The following SGMS1 variants were observed in gnomAD, a reference collection of about 807,000 sequenced individuals.
SGMS1 encodes sphingomyelin synthase 1.
SGMS1 carries 13 observed loss-of-function variants against 46.2 expected under a neutral mutation model. The ratio of observed to expected loss-of-function variants is 0.28; its 90% CI spans 0.18 to 0.45. The LOEUF (loss-of-function observed/expected upper bound fraction) is 0.45, where lower values mean the gene tolerates loss of function less well. Among genes scored for constraint, SGMS1 ranks in the 20% least tolerant of loss-of-function variants. SGMS1 has a pLI of 1.00. For missense variants in SGMS1, 324 were observed against 519.9 expected (o/e 0.62, Z 3.66); for synonymous variants, 203 against 187.8 (o/e 1.08, Z -0.66).
intron 6 of SGMS1, among the ~76,000 whole-genome samples, chr10:50,369,084 C>A (rs1219513878): frequency 6.6e-6 from 1 of 152,086 alleles, no homozygotes; most frequent in Non-Finnish European, 1.5e-5. Flanking sequence ...ACAAAATACT[C>A]CATAAACAAG....
intron 2 of SGMS1, among the ~76,000 whole-genome samples, chr10:50,568,725 A>G (rs1838311854): frequency 6.6e-6 from 1 of 152,234 alleles, no homozygotes; most frequent in African/African-American, 2.4e-5. Context: ...AATTATTTTT[A>G]CAACACTGTA....
At chr10:50,611,553 C>T (rs934511868) in intron 1 of SGMS1, among the ~76,000 whole-genome samples, 1 of 152,224 alleles carries the variant, frequency 6.6e-6, no homozygotes, top group African/African-American at 2.4e-5. Context: ...TACTACCTCA[C>T]CAGTGTGCTT....
intron 6 of SGMS1, among the ~76,000 whole-genome samples, chr10:50,364,915 G>T (rs1439427489): frequency 6.6e-6 from 1 of 151,982 alleles, no homozygotes; most frequent in African/African-American, 2.4e-5. Flanking sequence ...TAAATAACCT[G>T]AGGACTTTGG....
chr10:50,532,225 CTGTGTGTGTGTGTGTGTGTGTGTGTGTG>C, intron 2 of SGMS1, among the ~76,000 whole-genome samples: 1 of 130,590 alleles, frequency 7.7e-6, no homozygotes, highest in East Asian at 2.4e-4. Context: ...CTGAATGAGA[CTGTGTGTGTGTGTGTGTGTGTGTGTGTG>C]TGTGTGTGTG....
At chr10:50,519,251 A>G (rs115693592) in intron 3 of SGMS1, among the ~76,000 whole-genome samples, 107 of 152,350 alleles carry the variant, frequency 7.0e-4, no homozygotes, top group African/African-American at 2.5e-3. Context: ...CATAGAATCA[A>G]CGATAACACT....
chr10:50,505,358 G>T (rs17440448), intron 3 of SGMS1, among the ~76,000 whole-genome samples: 26,581 of 152,074 alleles, frequency 0.17, 2,624 homozygotes, highest in Admixed American at 0.23. Context: ...AATTTATAAC[G>T]AACAAAAGTC....
intron 6 of SGMS1, among the ~76,000 whole-genome samples, chr10:50,399,232 G>A (rs188948259): frequency 3.4e-4 from 52 of 152,182 alleles, no homozygotes; most frequent in African/African-American, 1.2e-3. Flanking sequence ...AGGTAACTAA[G>A]GAAGGATGTG....
chr10:50,624,227 T>C, upstream of SGMS1: 1 of 595,256 alleles, frequency 1.7e-6, no homozygotes, highest in South Asian at 7.3e-5. Context: ...GGGAGCCAGA[T>C]TTTACAATCT....
chr10:50,619,154 G>A (rs1838824820), intron 1 of SGMS1, among the ~76,000 whole-genome samples: 1 of 151,992 alleles, frequency 6.6e-6, no homozygotes, highest in Non-Finnish European at 1.5e-5. Flanking sequence ...AAAAAAGAAA[G>A]AAAATGCATA....
At chr10:50,585,741 AG>A (rs1419304432) in intron 2 of SGMS1, among the ~76,000 whole-genome samples, 2 of 152,246 alleles carry the variant, frequency 1.3e-5, no homozygotes, top group African/African-American at 4.8e-5. Context: ...CAAAAGGCCA[AG>A]AAGTGATAGA....
At chr10:50,329,164 A>G (rs1426203355) in intron 7 of SGMS1, among the ~76,000 whole-genome samples, 1 of 152,218 alleles carries the variant, frequency 6.6e-6, no homozygotes, top group African/African-American at 2.4e-5. Context: ...ACATACTCAC[A>G]CACACACCAC....
At chr10:50,610,174 C>T (rs938884183) in intron 1 of SGMS1, among the ~76,000 whole-genome samples, 2 of 152,156 alleles carry the variant, frequency 1.3e-5, no homozygotes, top group Non-Finnish European at 2.9e-5. Flanking sequence ...GACACAGAAA[C>T]GTCAAGCCGC....
intron 7 of SGMS1, among the ~76,000 whole-genome samples, chr10:50,333,886 A>G (rs1215133277): frequency 6.6e-6 from 1 of 152,194 alleles, no homozygotes; most frequent in Non-Finnish European, 1.5e-5. Flanking sequence ...TTTAAAATCC[A>G]ACTCAAACAA....
chr10:50,432,900 T>TA (rs1203466920), intron 6 of SGMS1, among the ~76,000 whole-genome samples: 1 of 152,310 alleles, frequency 6.6e-6, no homozygotes, highest in East Asian at 1.9e-4. Flanking sequence ...CTACCCCACT[T>TA]ACTAACATTA....
At chr10:50,319,739 C>T (rs1385912285) in intron 8 of SGMS1, among the ~76,000 whole-genome samples, 1 of 152,214 alleles carries the variant, frequency 6.6e-6, no homozygotes, top group Admixed American at 6.5e-5. Context: ...CTCAGTGCAT[C>T]ACATTCAGAA....
chr10:50,411,688 T>G (rs1253288157), intron 6 of SGMS1, among the ~76,000 whole-genome samples: 1 of 152,190 alleles, frequency 6.6e-6, no homozygotes, highest in Non-Finnish European at 1.5e-5. Context: ...TTCTTTTAGT[T>G]TATTTATTAT....
Position 50,482,893 on chromosome 10 carries a change from G to C in SGMS1, c.-497-15961C>G, listed in dbSNP as rs374562192. On this transcript the variant is annotated intron_variant, in intron 3 of 10. Transcript: ENST00000361781. Reference sequence around the variant, plus strand: ...ACCAAGCAAATGGAAGGCAGAAAAAGGCAGGGGTTGCAATCCTAGTTTCTG... The same window carrying C: ...ACCAAGCAAATGGAAGGCAGAAAAACGCAGGGGTTGCAATCCTAGTTTCTG... Among the ~76,000 whole-genome samples, 6 of 152,090 alleles carry C rather than the reference G, an allele frequency of 3.9e-5. No homozygotes were observed. The East Asian group carries it at 1.2e-3, about 29-fold the overall frequency.
chr10:50,468,623 A>G (rs528260838), intron 3 of SGMS1, among the ~76,000 whole-genome samples: 46 of 152,294 alleles, frequency 3.0e-4, no homozygotes, highest in African/African-American at 1.1e-3. Flanking sequence ...CACAGATGCA[A>G]AGGGCAAATT....
At chr10:50,323,182 T>A (rs1847477075) in intron 8 of SGMS1, among the ~76,000 whole-genome samples, 1 of 152,178 alleles carries the variant, frequency 6.6e-6, no homozygotes, top group South Asian at 2.1e-4. Flanking sequence ...TGCCATCGAG[T>A]GAATGAACAA....
Sources: gnomAD v4.1 joint callset for allele counts (sites outside exome capture counted in the v4.1 genomes callset) on GRCh38, gnomAD v4.1.1 for gene constraint, MANE v1.5 for transcripts, NCBI Gene and HGNC (gene_info 2026-07-23, HGNC 2026-07-21) for gene names.